The following SETD1A variants were observed in gnomAD, a reference collection of about 807,000 sequenced individuals.
SETD1A encodes the protein histone-lysine N-methyltransferase SETD1A.
In SETD1A, 29 loss-of-function variants were observed where a neutral mutation model predicts 149.9. The observed-to-expected ratio is 0.19, with a 90% CI of 0.14 to 0.26. SETD1A has a LOEUF of 0.26. Ranked by LOEUF, SETD1A falls within the 10% of genes least tolerant of loss-of-function variation. The probability of loss-of-function intolerance (pLI) is 1.00; values close to 1 mark genes in which losing one functional copy is unlikely to be tolerated. For synonymous variants in SETD1A, 1,141 were observed against 968.5 expected, an observed-to-expected ratio of 1.18 and a Z score of -3.31; for missense variants, 2,109 against 2,353.1, an observed-to-expected ratio of 0.90 and a Z score of 2.15.
rs1376181530 is a variant in SETD1A at position 30,966,146 on chromosome 16, A to G, written c.2265A>G (p.Ala755=). Residue 755 remains alanine, a synonymous_variant, in exon 8 of 19, where the codon GCA becomes GCG. Coordinates refer to ENST00000262519, the MANE Select transcript of SETD1A (RefSeq NM_014712.3). Reference sequence around the variant, plus strand: ...CCTACCACCTGCCCATGCCAATGGCAGCCGAGCCCCTGCCCTCCTCCTCAG... The same window carrying G: ...CCTACCACCTGCCCATGCCAATGGCGGCCGAGCCCCTGCCCTCCTCCTCAG... ...REAYHLPMPM[A]AEPLPSSSVS... 6.2e-7 allele frequency: 1 copy of G among 1,605,294 alleles called. No homozygotes were observed. The highest frequency in any genetic ancestry group is 1.1e-5 in the South Asian group (1 of 90,438).
At position 30,979,818 on chromosome 16, in the gene SETD1A, T is replaced by G; in HGVS notation, c.4032T>G (p.Ala1344=). The G allele has an allele frequency of 6.4e-7, 1 of 1,561,242 alleles. No individual in the cohort carries two copies. Among genetic ancestry groups the G allele is most frequent in the Non-Finnish European group, 8.6e-7 (1 of 1,160,650 alleles). Residue 1344 remains alanine (A), a synonymous_variant, in exon 14 of 19, where the codon GCT becomes GCG. Transcript: ENST00000262519. The part of the protein sequence containing the change: ...EVLEAPEVVV[A]EAEEPKPQQL... Reference sequence around the variant, plus strand: ...TGGAGGCCCCCGAGGTGGTGGTGGCTGAGGCGGAGGAGCCCAAGCCGCAGC... The same window carrying G: ...TGGAGGCCCCCGAGGTGGTGGTGGCGGAGGCGGAGGAGCCCAAGCCGCAGC...
rs945104495 is a variant in SETD1A, at chr16:30,971,392, A to G, written c.3031A>G (p.Ser1011Gly). 1.3e-6 allele frequency: 2 copies of G among 1,582,712 alleles called. No individual in the cohort carries two copies. The highest frequency in any genetic ancestry group is 1.3e-5 in the African/African-American group (1 of 74,428). The change falls in exon 13 of 19, where the codon AGC (serine) becomes GGC (glycine). Residue 1011 changes from serine (S) to glycine (G), a missense_variant. Physicochemically the swap from Ser to Gly is moderately conservative, Grantham distance 56. Around this residue, in one of 8 missense-constraint regions of SETD1A, gnomAD observed 832 missense variants for 815.6 expected, o/e 1.02. Transcript: ENST00000262519. ...TEVSDGEDEESDSSSKCSLYA... is the reference protein window; with the variant it reads ...TEVSDGEDEEGDSSSKCSLYA... ...TGGATTTCCAGGCGAGGACGAGGAA[A>G]GCGATTCGTCTTCCAAATGTTCTCT... is the stretch of plus-strand genomic sequence containing the variant.
Position 30,984,113 on chromosome 16 carries a change from G to A in SETD1A, c.*90G>A. On this transcript the variant is annotated 3_prime_UTR_variant, in exon 19 of 19. Transcript: ENST00000262519. ...CCCCCAGCCTTAGTGGGCTCAGCAG[G>A]GCCCACATGCCCCCATCTCCAAGCG... 4.9e-6 allele frequency: 6 copies of A among 1,219,556 alleles called. No individual in the cohort carries two copies. The highest frequency in any genetic ancestry group is 6.7e-6 in the Non-Finnish European group (6 of 889,522). The allele number at this position is 1,219,556 out of a possible 1,614,324, so 75.5% of individuals were successfully genotyped here.
chr16:30,975,574 G>A (rs2143557786), intron 13 of SETD1A, among the ~76,000 whole-genome samples: 1 of 151,424 alleles, frequency 6.6e-6, no homozygotes, highest in South Asian at 2.1e-4. Context: ...GGGATTACAG[G>A]TGCACACTGC....
Position 30,961,894 on chromosome 16 carries a change from G to A in SETD1A, c.517+357G>A, listed in dbSNP as rs2056057251. Among the ~76,000 whole-genome samples, 1 of 152,032 alleles carries A rather than the reference G, an allele frequency of 6.6e-6. No homozygotes were observed. The highest frequency in any genetic ancestry group is 2.1e-4 in the South Asian group (1 of 4,834). ...GACAGGATCCTGCTCTGTCACCTAG[G>A]CTGGAGAGCAGTGGCGTGATCTTTC... On this transcript the variant is annotated intron_variant, in intron 4 of 18. Transcript: ENST00000262519. The surrounding 1 kb of genome is among the most constrained non-coding windows in gnomAD (Gnocchi z 4.0).
At chr16:30,982,157 G>A (rs1305555521) in intron 17 of SETD1A, among the ~76,000 whole-genome samples, 1 of 152,140 alleles carries the variant, frequency 6.6e-6, no homozygotes, top group Non-Finnish European at 1.5e-5. Flanking sequence ...GCACAAACCT[G>A]GAGGCACGGT....
chr16:30,979,834 AAGCCGCAGCAACTGC>A lies in SETD1A; in HGVS notation c.4052_4066del (p.Pro1351_Gln1355del). On this transcript the variant is annotated inframe_deletion, in exon 14 of 19. Coordinates refer to ENST00000262519, the MANE Select transcript of SETD1A (RefSeq NM_014712.3). ...GGTGGTGGCTGAGGCGGAGGAGCCCAAGCCGCAGCAACTGCAGCAGCAGCGGGAGGAGGGCGAAGA... is the reference window on the plus strand; with the variant it reads ...GGTGGTGGCTGAGGCGGAGGAGCCCAAGCAGCAGCGGGAGGAGGGCGAAGA... The A allele has an allele frequency of 6.4e-7, 1 of 1,550,454 alleles. No homozygotes were observed.
chr16:30,965,316 A>T lies in SETD1A; in HGVS notation c.1574A>T (p.Asp525Val). Residue 525 changes from aspartate to valine, a missense_variant, in exon 7 of 19, where the codon GAT (aspartate) becomes GTT (valine). Transcript: ENST00000262519. ...AGCAGCATGGTCCTTGGGGCCAGAG[A>T]TACAGGGAGTGAGGTGCCTTCTGGG... Reference protein sequence around the residue: ...ENSSMVLGARDTGSEVPSGSG... With the variant: ...ENSSMVLGARVTGSEVPSGSG... The T allele has an allele frequency of 3.7e-6, 6 of 1,614,192 alleles. No individual in the cohort carries two copies. Among genetic ancestry groups the T allele is most frequent in the Non-Finnish European group, 5.1e-6 (6 of 1,180,034 alleles).
At chr16:30,977,781 C>A (rs2056302173) in intron 13 of SETD1A, among the ~76,000 whole-genome samples, 1 of 152,206 alleles carries the variant, frequency 6.6e-6, no homozygotes, top group Non-Finnish European at 1.5e-5. Flanking sequence ...GTGCGGTGGA[C>A]TCAGGTGAAT....
At chr16:30,973,046 C>A (rs1352901147) in intron 13 of SETD1A, among the ~76,000 whole-genome samples, 1 of 152,090 alleles carries the variant, frequency 6.6e-6, no homozygotes, top group Non-Finnish European at 1.5e-5. Flanking sequence ...GGCCCTCCAG[C>A]AGGGGAAGCA....
chr16:30,966,760 T>C, intron 8 of SETD1A, 124 bp from the exon 9 acceptor site: 1 of 1,134,250 alleles, frequency 8.8e-7, no homozygotes, highest in East Asian at 2.6e-5. Context: ...CTGGGACAGG[T>C]GTGACCAAGA....
Position 30,961,238 on chromosome 16 carries a change from C to T in SETD1A, c.247-29C>T, listed in dbSNP as rs370434375. 71 of 1,611,682 alleles carry T rather than the reference C, an allele frequency of 4.4e-5. No individual in the cohort carries two copies. Among genetic ancestry groups the T allele is most frequent in the Non-Finnish European group, 6.0e-5 (71 of 1,178,078 alleles). ...AAAGGAACAGTGGTCAGTGTTGAGA[C>T]CCCATACCAACTCCTGTTCTTTCCC... On this transcript the variant is annotated intron_variant, in intron 3 of 18. Coordinates refer to ENST00000262519, the MANE Select transcript of SETD1A (RefSeq NM_014712.3). The surrounding 1 kb of genome is among the most constrained non-coding windows in gnomAD (Gnocchi z 4.0).
In SETD1A at chr16:30,983,754, C is replaced by T; in HGVS notation, c.4932C>T (p.Phe1644=). 1 of 1,614,158 alleles carries T rather than the reference C, an allele frequency of 6.2e-7. No homozygotes were observed. The highest frequency in any genetic ancestry group is 8.5e-7 in the Non-Finnish European group (1 of 1,180,006). Residue 1644 remains phenylalanine, a synonymous_variant, in exon 18 of 19, where the codon TTC becomes TTT. Transcript: ENST00000262519. The surrounding 1 kb of genome is among the most constrained non-coding windows in gnomAD (Gnocchi z 6.8). ...CCAAGTGTGGCAACCTGGCCAGATT[C>T]ATCAACCACTGCTGCACGGTGCGCC... ...DATKCGNLAR[F]INHCCTPNCY...
chr16:30,968,399 T>A (rs2056177137), intron 10 of SETD1A, among the ~76,000 whole-genome samples: 1 of 109,846 alleles, frequency 9.1e-6, no homozygotes, highest in Non-Finnish European at 1.8e-5. Context: ...CGAGACTGTG[T>A]CTCAAAAAAA....
intron 13 of SETD1A, among the ~76,000 whole-genome samples, chr16:30,976,091 T>C (rs1297136186): frequency 6.6e-6 from 1 of 151,608 alleles, no homozygotes; most frequent in Non-Finnish European, 1.5e-5. Flanking sequence ...AAGAGTGGAG[T>C]AAGAACCTTG....
At chr16:30,971,269 C>A in intron 12 of SETD1A, 109 bp from the exon 13 acceptor site, 1 of 1,183,436 alleles carries the variant, frequency 8.4e-7, no homozygotes, top group Non-Finnish European at 1.2e-6. Context: ...TTGGACTTCC[C>A]CGTCCCTAGC....
intron 3 of SETD1A, among the ~76,000 whole-genome samples, chr16:30,960,580 G>A (rs148245888): frequency 3.2e-3 from 490 of 152,236 alleles, no homozygotes; most frequent in Middle Eastern, 6.8e-3. Flanking sequence ...CTGCTTTTCT[G>A]TATGGGAATC....
intron 13 of SETD1A, among the ~76,000 whole-genome samples, chr16:30,974,520 G>A (rs2143552145): frequency 6.6e-6 from 1 of 152,282 alleles, no homozygotes; most frequent in East Asian, 1.9e-4. Context: ...CTGCAAAGCA[G>A]GGAGTGGCCT....
At chr16:30,958,286 GC>G (rs1304197938) in intron 1 of SETD1A, 1 of 147,714 alleles carries the variant, frequency 6.8e-6, no homozygotes, top group Admixed American at 6.8e-5. Flanking sequence ...TGTTTCCAAC[GC>G]CCCGAAGAGG....
Sources: gnomAD v4.1 joint callset for allele counts (sites outside exome capture counted in the v4.1 genomes callset) on GRCh38, gnomAD v4.1.1 for gene constraint, gnomAD v4.1.1 regional missense constraint, Gnocchi (gnomAD v3.1) non-coding constraint, MANE v1.5 for transcripts, NCBI Gene and HGNC (gene_info 2026-07-23, HGNC 2026-07-21) for gene names.